The following RALGAPA2 variants were observed in gnomAD, a reference collection of about 807,000 sequenced individuals.
RALGAPA2 encodes Ral GTPase activating protein catalytic subunit alpha 2, also known as ral GTPase-activating protein subunit alpha-2.
Under a neutral mutation model 230.4 loss-of-function variants are expected in RALGAPA2, and 139 were observed. The ratio of observed to expected loss-of-function variants is 0.60; its 90% CI spans 0.53 to 0.69. The LOEUF (loss-of-function observed/expected upper bound fraction) is 0.69. Ranked by LOEUF, RALGAPA2 falls within the 30% of genes least tolerant of loss-of-function variation. The pLI is 0.00. For missense variants in RALGAPA2, 2,163 were observed against 2,276.0 expected, an observed-to-expected ratio of 0.95 and a Z score of 1.01; for synonymous variants, 847 against 837.8, an observed-to-expected ratio of 1.01 and a Z score of -0.19.
At chr20:20,419,418 A>G (rs1272920301) in intron 37 of RALGAPA2, among the ~76,000 whole-genome samples, 1 of 152,238 alleles carries the variant, frequency 6.6e-6, no homozygotes, top group Non-Finnish European at 1.5e-5. Flanking sequence ...GTTGACGATG[A>G]TCACAAAGAA....
rs990494797 is a variant in RALGAPA2, at chr20:20,503,217, A to G, written c.5208+134T>C. The G allele has an allele frequency of 3.4e-6, 3 of 887,058 alleles. No homozygotes were observed. The African/African-American group carries it at 5.2e-5, about 15-fold the overall frequency. 54.9% of individuals were successfully genotyped at this position (887,058 alleles called of 1,614,324 possible). On this transcript the variant is annotated intron_variant, in intron 35 of 39. Coordinates refer to ENST00000202677, the MANE Select transcript of RALGAPA2 (RefSeq NM_020343.4). ...AACATTTAAGACGCCTTCTTTCCCC[A>G]AACCTTAATCTCAGGGTCGTAGAGT...
chr20:20,462,278 T>C (rs1414393795), intron 37 of RALGAPA2, among the ~76,000 whole-genome samples: 1 of 152,196 alleles, frequency 6.6e-6, no homozygotes, highest in Admixed American at 6.5e-5. Context: ...TTGTGGCATT[T>C]TGGGGACATG....
At chr20:20,486,319 T>A (rs1005963271) in intron 36 of RALGAPA2, among the ~76,000 whole-genome samples, 6 of 152,102 alleles carry the variant, frequency 3.9e-5, no homozygotes, top group Middle Eastern at 3.4e-3. Context: ...TCTGAGAAGG[T>A]CTTTCTCCTT....
intron 4 of RALGAPA2, among the ~76,000 whole-genome samples, chr20:20,652,202 G>A (rs886906283): frequency 6.6e-6 from 1 of 151,490 alleles, no homozygotes; most frequent in Non-Finnish European, 1.5e-5. Flanking sequence ...TGAAATTTAG[G>A]ATTTAGAATT....
chr20:20,486,413 T>G (rs2061912396), intron 36 of RALGAPA2, among the ~76,000 whole-genome samples: 1 of 152,104 alleles, frequency 6.6e-6, no homozygotes. Flanking sequence ...ACACAATAAA[T>G]ATATTATGCC....
intron 1 of RALGAPA2, among the ~76,000 whole-genome samples, chr20:20,709,054 C>T (rs2069730188): frequency 6.6e-6 from 1 of 152,066 alleles, no homozygotes; most frequent in African/African-American, 2.4e-5. Context: ...CATGGTGGCT[C>T]ACACCTGTAA....
At chr20:20,704,389 C>G (rs1568778531) in intron 1 of RALGAPA2, among the ~76,000 whole-genome samples, 1 of 152,196 alleles carries the variant, frequency 6.6e-6, no homozygotes, top group Non-Finnish European at 1.5e-5. Context: ...TCTCCATATA[C>G]ACAAACACCT....
chr20:20,516,083 A>C (rs2062862349), intron 31 of RALGAPA2, among the ~76,000 whole-genome samples: 1 of 152,236 alleles, frequency 6.6e-6, no homozygotes, highest in East Asian at 1.9e-4. Flanking sequence ...CTCCACTCCC[A>C]TTGTGAACTC....
rs117940873 is a variant in RALGAPA2 at position 20,666,124 on chromosome 20, A to G, written c.270+10112T>C. Among the ~76,000 whole-genome samples, 1,515 of 152,326 alleles carry G rather than the reference A, an allele frequency of 9.9e-3. 12 individuals carry two copies. Among genetic ancestry groups the G allele is most frequent in the Non-Finnish European group, 0.014 (945 of 68,028 alleles). ...CATTTAAATATAGCCCCATGTCATA[A>G]ATGTGACCCAAAATCTTAGTCATGC... On this transcript the variant is annotated intron_variant, in intron 3 of 39. Transcript: ENST00000202677.
In RALGAPA2 at chr20:20,640,684, C is replaced by G. The variant is rs1422520463; in HGVS notation, c.550+17G>C. 1 of 1,591,678 alleles carries G rather than the reference C, an allele frequency of 6.3e-7. No homozygotes were observed. Among genetic ancestry groups the G allele is most frequent in the Admixed American group, 1.8e-5 (1 of 56,898 alleles). ...CAAGAGTAATTTCAACATGGGAGAT[C>G]TGCTAACATAACTTACCATCAGCTA... On this transcript the variant is annotated intron_variant, in intron 6 of 39. Coordinates refer to ENST00000202677, the MANE Select transcript of RALGAPA2 (RefSeq NM_020343.4).
chr20:20,579,133 C>A (rs2064908084), intron 20 of RALGAPA2, among the ~76,000 whole-genome samples: 1 of 152,080 alleles, frequency 6.6e-6, no homozygotes, highest in Non-Finnish European at 1.5e-5. Context: ...AAAAAAATTT[C>A]TGTAACATTT....
At chr20:20,460,384 C>T (rs2061273737) in intron 37 of RALGAPA2, among the ~76,000 whole-genome samples, 1 of 152,146 alleles carries the variant, frequency 6.6e-6, no homozygotes, top group African/African-American at 2.4e-5. Context: ...AACATCAAAA[C>T]CCAAGGTCTG....
rs1227700488 is a variant in RALGAPA2 at position 20,619,308 on chromosome 20, T to C, written c.1508A>G (p.Asn503Ser). ...RGCVTEEENT[N>S]VKAGVQALLQ... ...CAAAGCCTGGACGCCGGCTTTCACA[T>C]TTGTATTTTCCTCCTCTGTCACACA... Residue 503 changes from asparagine to serine, a missense_variant, in exon 12 of 40, where the codon AAT becomes AGT. Transcript: ENST00000202677. 1 of 1,610,646 alleles carries C rather than the reference T, an allele frequency of 6.2e-7. No individual in the cohort carries two copies. Among genetic ancestry groups the C allele is most frequent in the Non-Finnish European group, 8.5e-7 (1 of 1,177,828 alleles).
At chr20:20,555,801 AGT>A (rs1195189754) in intron 23 of RALGAPA2, among the ~76,000 whole-genome samples, 1 of 151,958 alleles carries the variant, frequency 6.6e-6, no homozygotes, top group East Asian at 1.9e-4. Flanking sequence ...TTCTTTTTTA[AGT>A]GTGTGTGTAT....
At chr20:20,703,783 G>A (rs1444983049) in intron 1 of RALGAPA2, among the ~76,000 whole-genome samples, 1 of 152,170 alleles carries the variant, frequency 6.6e-6, no homozygotes, top group Non-Finnish European at 1.5e-5. Context: ...AGGCATAAAG[G>A]AAAGAAGACT....
At chr20:20,584,711 G>A (rs763052577) in intron 19 of RALGAPA2, among the ~76,000 whole-genome samples, 154 bp downstream of exon 19, 3 of 152,172 alleles carry the variant, frequency 2.0e-5, no homozygotes, top group African/African-American at 4.8e-5. Context: ...GCCCAGGGAG[G>A]TTGAGGCTGC....
In RALGAPA2 at chr20:20,544,066, A is replaced by C. The variant is rs1421316670; in HGVS notation, c.3285+2638T>G. On this transcript the variant is annotated intron_variant, in intron 24 of 39. Transcript: ENST00000202677. ...AAAGCTCATCATCACTGGTCATTAGAGAAATGCAAATCAAAACCACAATGA... is the reference window on the plus strand; with the variant it reads ...AAAGCTCATCATCACTGGTCATTAGCGAAATGCAAATCAAAACCACAATGA... Among the ~76,000 whole-genome samples the C allele has an allele frequency of 2.0e-5, 3 of 152,022 alleles. No individual in the cohort carries two copies. In the East Asian group the frequency reaches 5.8e-4, roughly 29 times the overall value.
chr20:20,550,662 G>C (rs8120611), intron 23 of RALGAPA2, among the ~76,000 whole-genome samples: 1,667 of 152,272 alleles, frequency 0.011, 24 homozygotes, highest in African/African-American at 0.038. Flanking sequence ...ATGAGGCCTA[G>C]GTCCAAAGCC....
chr20:20,673,053 C>T lies in RALGAPA2; in HGVS notation c.270+3183G>A, dbSNP rs954379438. On this transcript the variant is annotated intron_variant, in intron 3 of 39. Coordinates refer to ENST00000202677, the MANE Select transcript of RALGAPA2 (RefSeq NM_020343.4). ...CAAAAAAATTAGCTGGGTGTGGTGG[C>T]GGGCACCTGTAGTCCCAGTTACCTG... Among the ~76,000 whole-genome samples the T allele has an allele frequency of 6.6e-5, 10 of 151,832 alleles. No homozygotes were observed. In the South Asian group the frequency reaches 1.3e-3, roughly 19 times the overall value.
Sources: allele counts gnomAD v4.1 joint callset (sites outside exome capture counted in the v4.1 genomes callset), GRCh38; gene constraint gnomAD v4.1.1; transcripts MANE v1.5; gene names NCBI Gene and HGNC (gene_info 2026-07-23, HGNC 2026-07-21).